The following GALP variants were observed in gnomAD, a reference collection of about 807,000 sequenced individuals.
GALP encodes galanin like peptide.
A neutral mutation model predicts 15.2 loss-of-function variants in GALP; 12 were observed. The ratio of observed to expected loss-of-function variants is 0.79; its 90% CI spans 0.51 to 1.28. GALP has a LOEUF of 1.28. Ranked by LOEUF, GALP falls within the 50% of genes most tolerant of loss-of-function variation. The pLI, the probability that GALP is intolerant of heterozygous loss-of-function variation, is 0.00. For missense variants in GALP, 161 were observed against 145.6 expected, an observed-to-expected ratio of 1.11 and a Z score of -0.55; for synonymous variants, 58 against 55.1, an observed-to-expected ratio of 1.05 and a Z score of -0.23.
At chr19:56,182,565 G>A (rs1276163801) in intron 4 of GALP, among the ~76,000 whole-genome samples, 1 of 152,158 alleles carries the variant, frequency 6.6e-6, no homozygotes, top group Non-Finnish European at 1.5e-5. Context: ...CCATGATTTA[G>A]TTGTATGACT....
chr19:56,183,292 A>T (rs2032598108), intron 5 of GALP, 80 bp downstream of exon 5: 1 of 1,179,472 alleles, frequency 8.5e-7, no homozygotes, highest in Non-Finnish European at 1.3e-6. Context: ...TAGAGGGTAA[A>T]GGAAGAAAGG....
chr19:56,177,215 C>T lies in GALP; in HGVS notation c.87+20C>T. The T allele has an allele frequency of 6.3e-7, 1 of 1,599,164 alleles. No homozygotes were observed. Among genetic ancestry groups the T allele is most frequent in the Non-Finnish European group, 8.6e-7 (1 of 1,167,540 alleles). On this transcript the variant is annotated intron_variant, in intron 2 of 5. Coordinates refer to ENST00000357330, the MANE Select transcript of GALP (RefSeq NM_033106.4). ...CACCGGGTAACGCCTCCCTAAGTTC[C>T]TCGGAAACAACAGTGTCCCCAAATC... is the stretch of plus-strand genomic sequence containing the variant.
intron 5 of GALP, among the ~76,000 whole-genome samples, chr19:56,184,110 C>T (rs2032614342): frequency 6.6e-6 from 1 of 151,924 alleles, no homozygotes; most frequent in Admixed American, 6.6e-5. Context: ...CGCCCGCCAC[C>T]ACATCCGGCT....
intron 5 of GALP, among the ~76,000 whole-genome samples, 190 bp from the exon 6 acceptor site, chr19:56,185,025 G>T (rs976570585): frequency 6.6e-6 from 1 of 152,122 alleles, no homozygotes; most frequent in East Asian, 1.9e-4. Context: ...AAGGGGCCAG[G>T]CACGGTGGCT....
chr19:56,182,331 G>A, intron 4 of GALP, 79 bp downstream of exon 4: 1 of 1,019,648 alleles, frequency 9.8e-7, no homozygotes, highest in Non-Finnish European at 1.5e-6. Context: ...ACTGGTAGAT[G>A]TGAGCTCCAG....
At chr19:56,180,366 C>A (rs115956458) in intron 2 of GALP, among the ~76,000 whole-genome samples, 1 of 152,172 alleles carries the variant, frequency 6.6e-6, no homozygotes, top group African/African-American at 2.4e-5. Flanking sequence ...CAATAACCAC[C>A]TTTCTCCTCT....
rs549130695 is a variant in GALP, at chr19:56,182,335, G to C, written c.217+83G>C. On this transcript the variant is annotated intron_variant, in intron 4 of 5. Coordinates refer to ENST00000357330, the MANE Select transcript of GALP (RefSeq NM_033106.4). ...TGGCTTTGGAAACTGGTAGATGTGA[G>C]CTCCAGCCCTCACCCTGCCGCTTAC... 80 of 976,960 alleles carry C rather than the reference G, an allele frequency of 8.2e-5. No homozygotes were observed. The African/African-American group carries it at 9.8e-4, about 12-fold the overall frequency. 60.5% of individuals were successfully genotyped at this position (976,960 alleles called of 1,614,324 possible).
intron 4 of GALP, 112 bp from the exon 5 acceptor site, chr19:56,183,023 T>A: frequency 1.4e-4 from 95 of 663,696 alleles, no homozygotes; most frequent in East Asian, 2.8e-4. Context: ...TGCTCCACCC[T>A]CGGGAAGGAC....
At position 56,185,241 on chromosome 19, in the gene GALP, C is replaced by T. The variant is rs267605710; in HGVS notation, c.322C>T (p.Pro108Ser). 1 of 1,609,064 alleles carries T rather than the reference C, an allele frequency of 6.2e-7. No homozygotes were observed. Among genetic ancestry groups the T allele is most frequent in the East Asian group, 2.2e-5 (1 of 44,748 alleles). Residue 108 changes from proline to serine, a missense_variant, in exon 6 of 6, where the codon CCC becomes TCC. Pro to Ser is a moderately conservative substitution (Grantham distance 74, BLOSUM62 -1). Coordinates refer to ENST00000357330, the MANE Select transcript of GALP (RefSeq NM_033106.4). Reference protein sequence around the residue: ...GDLGMLSMKIPKEEDVLKS With the variant: ...GDLGMLSMKISKEEDVLKS Reference sequence around the variant, plus strand: ...TCTGGGCATGCTCAGCATGAAAATTCCCAAGGAGGAAGATGTCCTGAAGTC... The same window carrying T: ...TCTGGGCATGCTCAGCATGAAAATTTCCAAGGAGGAAGATGTCCTGAAGTC...
At chr19:56,184,618 G>A (rs2032624451) in intron 5 of GALP, among the ~76,000 whole-genome samples, 1 of 151,422 alleles carries the variant, frequency 6.6e-6, no homozygotes, top group African/African-American at 2.4e-5. Context: ...TGAGTAGCTG[G>A]GACTACAGGT....
At chr19:56,178,520 A>G (rs8107244) in intron 2 of GALP, among the ~76,000 whole-genome samples, 3 of 129,628 alleles carry the variant, frequency 2.3e-5, no homozygotes, top group African/African-American at 3.2e-5. Context: ...AACAACAACA[A>G]CAAAAAAAAA....
At chr19:56,182,347 A>C (rs1599930515) in intron 4 of GALP, 95 bp downstream of exon 4, 1 of 847,156 alleles carries the variant, frequency 1.2e-6, no homozygotes, top group Non-Finnish European at 1.9e-6. Flanking sequence ...TCCAGCCCTC[A>C]CCCTGCCGCT....
At chr19:56,178,275 G>A (rs1035447997) in intron 2 of GALP, among the ~76,000 whole-genome samples, 6 of 151,510 alleles carry the variant, frequency 4.0e-5, no homozygotes, top group East Asian at 1.9e-4. Context: ...ACCAGCCTGG[G>A]CAACATAGTG....
chr19:56,177,822 C>A (rs963007015), intron 2 of GALP, among the ~76,000 whole-genome samples: 4 of 152,138 alleles, frequency 2.6e-5, no homozygotes, highest in Non-Finnish European at 5.9e-5. Context: ...AATTCCAGCA[C>A]TGTGAGAGTT....
At chr19:56,177,285 CA>C in intron 2 of GALP, 90 bp downstream of exon 2, 2 of 1,076,952 alleles carry the variant, frequency 1.9e-6, no homozygotes, top group Non-Finnish European at 2.8e-6. Context: ...TGGCTTGTGT[CA>C]AGGGTCCTGG....
intron 2 of GALP, among the ~76,000 whole-genome samples, chr19:56,179,207 A>ATAAT (rs1421669840): frequency 6.6e-6 from 1 of 150,378 alleles, no homozygotes; most frequent in Non-Finnish European, 1.5e-5. Flanking sequence ...AAATAAATAA[A>ATAAT]GAGTCTGGGA....
chr19:56,178,912 C>T (rs1008475864), intron 2 of GALP, among the ~76,000 whole-genome samples: 17 of 152,330 alleles, frequency 1.1e-4, no homozygotes, highest in African/African-American at 3.4e-4. Context: ...CGGTGGCTCA[C>T]GCCTGCAATC....
rs1462697882 is a variant in GALP at position 56,180,911 on chromosome 19, CTTTCT to C, written c.136+281_136+285del. Among the ~76,000 whole-genome samples the C allele has an allele frequency of 3.9e-3, 352 of 90,682 alleles. 1 individual carries two copies. Among genetic ancestry groups the C allele is most frequent in the African/African-American group, 0.013 (301 of 22,330 alleles). 59.5% of individuals were successfully genotyped at this position (90,682 alleles called of 152,430 possible). A position where few individuals can be genotyped will look rare whatever the true frequency, so the allele number is the denominator to read the frequency against. Reference sequence around the variant, plus strand: ...TCACTCTTTCTTTCTTTCTTTCTTTCTTTCTTTTTTTTTTTTTTTTTTTTTTGACA... The same window carrying C: ...TCACTCTTTCTTTCTTTCTTTCTTTCTTTTTTTTTTTTTTTTTTTTTGACA... On this transcript the variant is annotated intron_variant, in intron 3 of 5. Coordinates refer to ENST00000357330, the MANE Select transcript of GALP (RefSeq NM_033106.4).
chr19:56,183,747 G>A (rs533851453), intron 5 of GALP, among the ~76,000 whole-genome samples: 30 of 152,046 alleles, frequency 2.0e-4, no homozygotes, highest in African/African-American at 4.8e-4. Context: ...ACAGGCACGC[G>A]CCACCATGTC....
Sources: allele counts gnomAD v4.1 joint callset (sites outside exome capture counted in the v4.1 genomes callset), GRCh38; gene constraint gnomAD v4.1.1; transcripts MANE v1.5; gene names NCBI Gene and HGNC (gene_info 2026-07-23, HGNC 2026-07-21).